Variants in MMS22L observed in about 807,000 individuals in gnomAD.
MMS22L encodes the protein MMS22 like, DNA repair protein, also known as protein MMS22-like.
Under a neutral mutation model 159.1 loss-of-function variants are expected in MMS22L, and 74 were observed. The ratio of observed to expected loss-of-function variants is 0.47; its 90% confidence interval spans 0.39 to 0.56. The LOEUF (loss-of-function observed/expected upper bound fraction) is 0.56. Ranked by LOEUF, MMS22L falls within the 20% of genes least tolerant of loss-of-function variation. The pLI is 0.00. For missense variants in MMS22L, 1,351 were observed against 1,422.1 expected (o/e 0.95, Z 0.80); for synonymous variants, 517 against 506.9 (o/e 1.02, Z -0.27).
At position 97,146,887 on chromosome 6, in the gene MMS22L, C is replaced by T. The variant is rs1800949657; in HGVS notation, c.3651G>A (p.Arg1217=). ...GAGACAAAAGTTTGCTATAGGCTTCCCTGTTTAAGAAAAAAGAAAAGAAAG... is the reference window on the plus strand; with the variant it reads ...GAGACAAAAGTTTGCTATAGGCTTCTCTGTTTAAGAAAAAAGAAAAGAAAG... ...KWGLGRNIAQ[R]EAYSKLLSHL... Residue 1217 remains arginine (R), a splice_region_variant and synonymous_variant, in exon 25 of 25, where the codon AGG becomes AGA. Coordinates refer to ENST00000683635, the MANE Select transcript of MMS22L (RefSeq NM_001350599.2). 1.3e-6 allele frequency: 2 copies of T among 1,540,976 alleles called. No homozygotes were observed.
chr6:97,227,203 A>G (rs1215721857), intron 14 of MMS22L, among the ~76,000 whole-genome samples: 1 of 152,182 alleles, frequency 6.6e-6, no homozygotes, highest in African/African-American at 2.4e-5. Flanking sequence ...AAGAAGCAAT[A>G]TAATTGTTAA....
rs781405240 is a variant in MMS22L at position 97,165,882 on chromosome 6, T to TA, written c.3010-426dup. ...AATTTTTGCTAAAAGTCTTCCATGC[T>TA]AAAAATCTGATAATCTTTTTTAAAG... On this transcript the variant is annotated intron_variant, in intron 20 of 24. Transcript: ENST00000683635. 3.8e-4 allele frequency among the ~76,000 whole-genome samples: 58 copies of TA among 152,272 alleles called. 1 individual carries two copies. The Middle Eastern group carries it at 0.017, about 45-fold the overall frequency.
intron 14 of MMS22L, among the ~76,000 whole-genome samples, chr6:97,200,266 A>C (rs1268795852): frequency 1.3e-5 from 2 of 152,154 alleles, no homozygotes; most frequent in Non-Finnish European, 2.9e-5. Flanking sequence ...GGTTTTCCAG[A>C]TATGTAGTTT....
At chr6:97,156,175 GTTGT>G (rs989952052) in intron 22 of MMS22L, among the ~76,000 whole-genome samples, 5 of 152,046 alleles carry the variant, frequency 3.3e-5, no homozygotes, top group African/African-American at 1.2e-4. Context: ...TTTTGACGGG[GTTGT>G]TTGTTTCTTG....
At chr6:97,269,461 T>C (rs1815497532) in intron 7 of MMS22L, among the ~76,000 whole-genome samples, 1 of 152,162 alleles carries the variant, frequency 6.6e-6, no homozygotes. Flanking sequence ...CAGTGAAAAA[T>C]GATTTGTAAA....
At chr6:97,252,857 TA>T (rs2128054071) in intron 10 of MMS22L, among the ~76,000 whole-genome samples, 1 of 152,286 alleles carries the variant, frequency 6.6e-6, no homozygotes, top group African/African-American at 2.4e-5. Context: ...GAATTACAGG[TA>T]AATTTTCTTA....
At chr6:97,238,596 TG>T (rs1811699419) in intron 11 of MMS22L, among the ~76,000 whole-genome samples, 1 of 151,432 alleles carries the variant, frequency 6.6e-6, no homozygotes, top group African/African-American at 2.4e-5. Context: ...TGTGTGTGTG[TG>T]TGTGTGTTTG....
At chr6:97,270,493 A>G (rs1174068115) in intron 6 of MMS22L, 3 of 300,474 alleles carry the variant, frequency 1.0e-5, no homozygotes, top group Non-Finnish European at 1.3e-5. Flanking sequence ...CAATTCATGT[A>G]TTAGTATTCA....
chr6:97,248,967 A>G (rs953532144), intron 10 of MMS22L, among the ~76,000 whole-genome samples: 2 of 152,102 alleles, frequency 1.3e-5, no homozygotes, highest in Admixed American at 6.6e-5. Context: ...TCCTATGGTC[A>G]TACTGGATAA....
At chr6:97,246,047 A>G (rs1812605827) in intron 11 of MMS22L, 1 of 251,868 alleles carries the variant, frequency 4.0e-6, no homozygotes, top group Non-Finnish European at 8.1e-6. Context: ...ACAAAACTTT[A>G]CAGGGCTTCC....
rs180941303 is a variant in MMS22L at position 97,219,284 on chromosome 6, A to C, written c.2039+9610T>G. On this transcript the variant is annotated intron_variant, in intron 14 of 24. Coordinates refer to ENST00000683635, the MANE Select transcript of MMS22L (RefSeq NM_001350599.2). Reference sequence around the variant, plus strand: ...CTTCTTGACATGAATATTATTCACAAAAAAATGAAGAAAAGATAAATGAAG... The same window carrying C: ...CTTCTTGACATGAATATTATTCACACAAAAATGAAGAAAAGATAAATGAAG... 1.6e-4 allele frequency among the ~76,000 whole-genome samples: 24 copies of C among 152,290 alleles called. No individual in the cohort carries two copies. The East Asian group carries it at 4.2e-3, about 27-fold the overall frequency.
intron 11 of MMS22L, among the ~76,000 whole-genome samples, chr6:97,243,046 TG>T (rs1812249748): frequency 6.6e-6 from 1 of 152,220 alleles, no homozygotes; most frequent in African/African-American, 2.4e-5. Context: ...CTGATGACTA[TG>T]TGCCTAAGGT....
chr6:97,199,380 A>AT (rs1806892371), intron 14 of MMS22L, among the ~76,000 whole-genome samples: 1 of 152,074 alleles, frequency 6.6e-6, no homozygotes, highest in Non-Finnish European at 1.5e-5. Context: ...CGTCACAGTG[A>AT]AATTTGCTTT....
intron 15 of MMS22L, among the ~76,000 whole-genome samples, chr6:97,185,721 C>T (rs912495985): frequency 1.3e-5 from 2 of 151,932 alleles, no homozygotes; most frequent in Admixed American, 6.6e-5. Flanking sequence ...CAGTTTTCCT[C>T]GTATACACTA....
chr6:97,186,867 A>G (rs1160525507), intron 14 of MMS22L, among the ~76,000 whole-genome samples, 177 bp from the exon 15 acceptor site: 1 of 152,214 alleles, frequency 6.6e-6, no homozygotes, highest in Non-Finnish European at 1.5e-5. Flanking sequence ...ATGGCATATT[A>G]AGCATCATAA....
At chr6:97,240,428 GT>G (rs1811928123) in intron 11 of MMS22L, among the ~76,000 whole-genome samples, 1 of 152,152 alleles carries the variant, frequency 6.6e-6, no homozygotes, top group South Asian at 2.1e-4. Context: ...TTGCTCAGAT[GT>G]TTCCTGGTTT....
chr6:97,216,374 T>TA lies in MMS22L; in HGVS notation c.2039+12519dup, dbSNP rs1231422140. ...TTCCCTCACTGTCATATTACATCAT[T>TA]AAAAAAAAAAGTCTGGTAGCTTATT... On this transcript the variant is annotated intron_variant, in intron 14 of 24. Transcript: ENST00000683635. Among the ~76,000 whole-genome samples, 291 of 148,850 alleles carry TA rather than the reference T, an allele frequency of 2.0e-3. 3 individuals carry two copies. Among genetic ancestry groups the TA allele is most frequent in the East Asian group, 0.016 (81 of 5,084 alleles).
At chr6:97,279,862 T>G (rs1286277158) in intron 3 of MMS22L, among the ~76,000 whole-genome samples, 2 of 151,868 alleles carry the variant, frequency 1.3e-5, no homozygotes, top group Non-Finnish European at 2.9e-5. Context: ...TTAAACTGTA[T>G]CATACAGTTA....
In MMS22L at chr6:97,151,809, T is replaced by C. The variant is rs573235030; in HGVS notation, c.3444A>G (p.Ser1148=). 3 of 1,613,746 alleles carry C rather than the reference T, an allele frequency of 1.9e-6. No individual in the cohort carries two copies. The highest frequency in any genetic ancestry group is 2.2e-5 in the South Asian group (2 of 91,068). The change falls in exon 23 of 25, where the codon TCA becomes TCG. Residue 1148 remains serine (S), a synonymous_variant. Transcript: ENST00000683635. ...QYMVKACQVG[S]EEEPSSQLTS... ...TCAGCTGGGAGGAAGGTTCTTCTTC[T>C]GACCCCACTTGGCAGGCTTTTACCA... is the stretch of plus-strand genomic sequence containing the variant.
Sources: gnomAD v4.1 joint callset for allele counts (sites outside exome capture counted in the v4.1 genomes callset) on GRCh38, gnomAD v4.1.1 for gene constraint, MANE v1.5 for transcripts, NCBI Gene and HGNC (gene_info 2026-07-23, HGNC 2026-07-21) for gene names.